Variants in GBE1 observed in about 807,000 individuals in gnomAD.
The protein encoded by GBE1 is 1,4-alpha-glucan-branching enzyme.
Under a neutral mutation model 88.8 loss-of-function variants are expected in GBE1, and 70 were observed. That is an observed-to-expected ratio of 0.79 (90% CI 0.65 to 0.96). The LOEUF is 0.96. Ranked by LOEUF, GBE1 falls within the 40% of genes least tolerant of loss-of-function variation. GBE1 has a pLI of 0.00. For synonymous variants in GBE1, 284 were observed against 300.1 expected (o/e 0.95, Z 0.56); for missense variants, 872 against 871.0 (o/e 1.00, Z -0.01).
At chr3:81,570,202 A>T (rs1385665673) in intron 12 of GBE1, among the ~76,000 whole-genome samples, 2 of 152,210 alleles carry the variant, frequency 1.3e-5, no homozygotes, top group African/African-American at 4.8e-5. Context: ...ATAACTTCTA[A>T]TTAACCTAAG....
intron 2 of GBE1, among the ~76,000 whole-genome samples, chr3:81,702,102 AGTGTGTGTGTGT>A (rs571028865): frequency 0.062 from 7,121 of 115,408 alleles, 472 homozygotes; most frequent in East Asian, 0.14. Context: ...AGAGAGAGAG[AGTGTGTGTGTGT>A]GTGTGTGTGT....
intron 10 of GBE1, among the ~76,000 whole-genome samples, chr3:81,583,012 G>A (rs1250993119): frequency 6.6e-6 from 1 of 151,806 alleles, no homozygotes; most frequent in African/African-American, 2.4e-5. Context: ...AATATATAAA[G>A]AACCCTCAAA....
At chr3:81,577,222 G>T (rs1703661032) in intron 12 of GBE1, among the ~76,000 whole-genome samples, 1 of 152,022 alleles carries the variant, frequency 6.6e-6, no homozygotes, top group Non-Finnish European at 1.5e-5. Context: ...GATTAAAGGT[G>T]TGAGGCACCA....
intron 15 of GBE1, among the ~76,000 whole-genome samples, chr3:81,496,238 A>G (rs2106805523): frequency 6.6e-6 from 1 of 152,314 alleles, no homozygotes; most frequent in South Asian, 2.1e-4. Context: ...ACATACTCTG[A>G]CCTTAGCAAA....
intron 3 of GBE1, 30 bp from the exon 4 acceptor site, chr3:81,649,951 A>G: frequency 1.3e-6 from 2 of 1,562,448 alleles, no homozygotes; most frequent in Non-Finnish European, 1.8e-6. Flanking sequence ...TTATTGCTTT[A>G]AAATACATCC....
Position 81,586,166 on chromosome 3 carries a change from A to G in GBE1, c.1261T>C (p.Cys421Arg), listed in dbSNP as rs552046313. Residue 421 changes from cysteine (C) to arginine (R), a missense_variant, in exon 10 of 16, where the codon TGC becomes CGC. Physicochemically the swap from Cys to Arg is radical, Grantham distance 180. Coordinates refer to ENST00000429644, the MANE Select transcript of GBE1 (RefSeq NM_000158.4). ...CCCCCTCCCTGGGAAATTGGAGAGC[A>G]CAGAGCTGGCATTCCTGATACATCC... ...AEDVSGMPAL[C>R]SPISQGGGGF... The G allele has an allele frequency of 5.6e-6, 9 of 1,607,580 alleles. No homozygotes were observed. In the African/African-American group the frequency reaches 8.0e-5, roughly 14 times the overall value.
intron 12 of GBE1, among the ~76,000 whole-genome samples, chr3:81,546,262 A>G (rs1031252014): frequency 6.6e-6 from 1 of 151,602 alleles, no homozygotes; most frequent in African/African-American, 2.4e-5. Flanking sequence ...ACTCACACAC[A>G]CTCTCACTTT....
At chr3:81,745,743 G>A (rs1706412419) in intron 1 of GBE1, among the ~76,000 whole-genome samples, 1 of 152,006 alleles carries the variant, frequency 6.6e-6, no homozygotes, top group South Asian at 2.1e-4. Context: ...AATACATTAG[G>A]TTGAATAGTG....
intron 2 of GBE1, among the ~76,000 whole-genome samples, chr3:81,688,611 A>G (rs1370998064): frequency 3.9e-5 from 6 of 152,166 alleles, no homozygotes; most frequent in Admixed American, 3.9e-4. Context: ...TAAGAATTAT[A>G]CCTGTGTTTA....
intron 2 of GBE1, among the ~76,000 whole-genome samples, chr3:81,698,321 T>G (rs766698751): frequency 6.6e-6 from 1 of 151,994 alleles, no homozygotes; most frequent in Non-Finnish European, 1.5e-5. Context: ...GAAATATACA[T>G]TCGCCCATCT....
intron 14 of GBE1, among the ~76,000 whole-genome samples, chr3:81,500,493 A>G (rs1388914247): frequency 6.6e-6 from 1 of 152,234 alleles, no homozygotes; most frequent in Non-Finnish European, 1.5e-5. Flanking sequence ...TCCAAAAACT[A>G]AAACAGTACA....
intron 14 of GBE1, among the ~76,000 whole-genome samples, chr3:81,500,771 T>C (rs1051626417): frequency 8.5e-5 from 13 of 152,210 alleles, no homozygotes; most frequent in African/African-American, 3.1e-4. Context: ...CTAAACTATG[T>C]TGTTATACAC....
At chr3:81,681,699 G>T (rs1705345003) in intron 2 of GBE1, among the ~76,000 whole-genome samples, 1 of 152,138 alleles carries the variant, frequency 6.6e-6, no homozygotes, top group African/African-American at 2.4e-5. Flanking sequence ...GGAAAGAATA[G>T]TCTTTAAAAC....
At chr3:81,522,948 T>C (rs1576131037) in intron 14 of GBE1, among the ~76,000 whole-genome samples, 1 of 151,510 alleles carries the variant, frequency 6.6e-6, no homozygotes, top group African/African-American at 2.4e-5. Flanking sequence ...TGTAAAAACA[T>C]TGAGTATTTA....
chr3:81,671,680 A>T lies in GBE1; in HGVS notation c.314-727T>A, dbSNP rs528015048. On this transcript the variant is annotated intron_variant, in intron 2 of 15. Transcript: ENST00000429644. ...CCAAATCATTTGAACATGGATTAAT[A>T]CTTATACATGATAGGCAGAACCATA... 3.9e-5 allele frequency among the ~76,000 whole-genome samples: 6 copies of T among 152,268 alleles called. No homozygotes were observed. In the South Asian group the frequency reaches 1.0e-3, roughly 26 times the overall value.
chr3:81,522,592 C>A (rs979180438), intron 14 of GBE1, among the ~76,000 whole-genome samples: 1 of 151,534 alleles, frequency 6.6e-6, no homozygotes, highest in Non-Finnish European at 1.5e-5. Context: ...ACAATTCTCC[C>A]ATTACCTATT....
intron 14 of GBE1, among the ~76,000 whole-genome samples, chr3:81,501,715 T>TTTTAA (rs1312458412): frequency 7.4e-6 from 1 of 134,238 alleles, no homozygotes; most frequent in East Asian, 2.2e-4. Flanking sequence ...TTTTTTTTTT[T>TTTTAA]AAGACAGGGT....
At chr3:81,506,088 C>T (rs1702650050) in intron 14 of GBE1, among the ~76,000 whole-genome samples, 1 of 151,974 alleles carries the variant, frequency 6.6e-6, no homozygotes, top group South Asian at 2.1e-4. Context: ...GGAGATTTTG[C>T]ACAGAAAAAG....
At chr3:81,669,436 T>G (rs1705157633) in intron 3 of GBE1, among the ~76,000 whole-genome samples, 1 of 152,160 alleles carries the variant, frequency 6.6e-6, no homozygotes, top group Non-Finnish European at 1.5e-5. Flanking sequence ...AAAGCAGCAA[T>G]GAAAACAATA....
Sources: allele counts gnomAD v4.1 joint callset (sites outside exome capture counted in the v4.1 genomes callset), GRCh38; gene constraint gnomAD v4.1.1; transcripts MANE v1.5; gene names NCBI Gene and HGNC (gene_info 2026-07-23, HGNC 2026-07-21).